The following GNG7 variants were observed in gnomAD, a reference collection of about 807,000 sequenced individuals.
GNG7 encodes the protein guanine nucleotide-binding protein G(I)/G(S)/G(O) subunit gamma-7.
In GNG7, 1 loss-of-function variant was observed where a neutral mutation model predicts 4.0. The ratio of observed to expected loss-of-function variants is 0.25; its 90% CI spans 0.09 to 1.18. GNG7 has a LOEUF of 1.18. Ranked by LOEUF, GNG7 falls within the 50% of genes most tolerant of loss-of-function variation. GNG7 has a pLI of 0.50. For synonymous variants in GNG7, 34 were observed against 36.9 expected (o/e 0.92, Z 0.29); for missense variants, 86 against 91.9 (o/e 0.94, Z 0.26).
chr19:2,630,320 G>T (rs1982126140), intron 2 of GNG7, among the ~76,000 whole-genome samples: 1 of 152,122 alleles, frequency 6.6e-6, no homozygotes, highest in African/African-American at 2.4e-5. Context: ...AGGGCCCGTG[G>T]ACATGATGAG....
At chr19:2,560,908 G>A (rs1173192446) in intron 2 of GNG7, among the ~76,000 whole-genome samples, 1 of 148,260 alleles carries the variant, frequency 6.7e-6, no homozygotes, top group Non-Finnish European at 1.5e-5. Flanking sequence ...AGTGAGCCGA[G>A]ATCGTACCAT....
At chr19:2,615,629 A>ATTTTTTTTTTTTTTTTTTTTTTTT (rs1195029403) in intron 2 of GNG7, among the ~76,000 whole-genome samples, 2 of 149,416 alleles carry the variant, frequency 1.3e-5, no homozygotes, top group Non-Finnish European at 3.0e-5. Flanking sequence ...CGCCTGGCTA[A>ATTTTTTTTTTTTTTTTTTTTTTTT]TTTTTTTGTA....
intron 2 of GNG7, among the ~76,000 whole-genome samples, chr19:2,567,141 A>AC (rs1453929468): frequency 1.9e-4 from 25 of 128,720 alleles, no homozygotes; most frequent in African/African-American, 1.1e-3. Context: ...ACAAAAAAAA[A>AC]ACAAAAAAAA....
chr19:2,693,424 AAAAAAAGAAAGAAAG>A (rs1913177924), intron 1 of GNG7, among the ~76,000 whole-genome samples: 2 of 151,816 alleles, frequency 1.3e-5, no homozygotes, highest in African/African-American at 2.4e-5. Context: ...TCAAAAAAAA[AAAAAAAGAAAGAAAG>A]AAAAAAAGAA....
chr19:2,562,344 CG>C (rs1432529972), intron 2 of GNG7, among the ~76,000 whole-genome samples: 3 of 151,308 alleles, frequency 2.0e-5, no homozygotes, highest in African/African-American at 7.3e-5. Context: ...AGTGCAGTGG[CG>C]CGATCTCGGC....
chr19:2,568,027 G>C (rs1979974063), intron 2 of GNG7, among the ~76,000 whole-genome samples: 1 of 152,046 alleles, frequency 6.6e-6, no homozygotes, highest in Admixed American at 6.6e-5. Context: ...GGGCATGCAA[G>C]CACACATGCA....
chr19:2,515,297 A>C, intron 4 of GNG7, 150 bp from the exon 5 acceptor site: 1 of 863,328 alleles, frequency 1.2e-6, no homozygotes, highest in Non-Finnish European at 1.7e-6. Context: ...GCCCGTCCAC[A>C]CGCTGGAATA....
chr19:2,671,944 G>A (rs1599454327), intron 1 of GNG7, among the ~76,000 whole-genome samples: 2 of 150,898 alleles, frequency 1.3e-5, no homozygotes, highest in African/African-American at 4.9e-5. Flanking sequence ...CCAGCTACTC[G>A]GGAGGCTGAG....
intron 1 of GNG7, among the ~76,000 whole-genome samples, chr19:2,699,981 C>T (rs965788653): frequency 6.6e-6 from 1 of 152,112 alleles, no homozygotes; most frequent in Non-Finnish European, 1.5e-5. Flanking sequence ...TTGAGACTCT[C>T]CTGCCACCAG....
At chr19:2,565,655 T>C (rs1018099439) in intron 2 of GNG7, among the ~76,000 whole-genome samples, 1 of 152,106 alleles carries the variant, frequency 6.6e-6, no homozygotes, top group African/African-American at 2.4e-5. Flanking sequence ...CTGCAATCAC[T>C]GGGAGAGGCC....
At position 2,512,819 on chromosome 19, in the gene GNG7, C is replaced by T. The variant is rs538969090; in HGVS notation, c.*2203G>A. On this transcript the variant is annotated 3_prime_UTR_variant, in exon 5 of 5. Transcript: ENST00000382159. The surrounding 1 kb of genome is among the most constrained non-coding windows in gnomAD (Gnocchi z 4.7). ...GCTTGTTGGAAAGGGTGGAGGCAGG[C>T]GGGCTCTCCCTGCCTGGGGTCCTCC... 240 of 784,184 alleles carry T rather than the reference C, an allele frequency of 3.1e-4. No individual in the cohort carries two copies. Among genetic ancestry groups the T allele is most frequent in the Middle Eastern group, 6.5e-4 (1 of 1,544 alleles). 48.6% of individuals were successfully genotyped at this position (784,184 alleles called of 1,614,324 possible). A position where few individuals can be genotyped will look rare whatever the true frequency, so the allele number is the denominator to read the frequency against.
In GNG7 at chr19:2,614,464, C is replaced by T. The variant is rs1173841461; in HGVS notation, c.-78+31760G>A. ...GTCACTTCCCATCCCCCTCCCCAGC[C>T]CCTGGCACCCACACATCCCCTTCCT... On this transcript the variant is annotated intron_variant, in intron 2 of 4. Transcript: ENST00000382159. The surrounding 1 kb of genome is among the most constrained non-coding windows in gnomAD (Gnocchi z 6.0). Among the ~76,000 whole-genome samples, 1 of 152,238 alleles carries T rather than the reference C, an allele frequency of 6.6e-6. No individual in the cohort carries two copies. Among genetic ancestry groups the T allele is most frequent in the Non-Finnish European group, 1.5e-5 (1 of 68,050 alleles).
chr19:2,615,400 G>A (rs1394904668), intron 2 of GNG7, among the ~76,000 whole-genome samples: 1 of 150,822 alleles, frequency 6.6e-6, no homozygotes, highest in Non-Finnish European at 1.5e-5. Flanking sequence ...ACACCACGTG[G>A]CACAGACTCT....
Position 2,544,606 on chromosome 19 carries a change from G to T in GNG7, c.-38+10543C>A, listed in dbSNP as rs533356474. The stretch of plus-strand genomic sequence containing the variant: ...GGGTTTCACCATGTTGGCCAGGTTG[G>T]TCTCAAACTCCTGACCTCAGGTGAT... On this transcript the variant is annotated intron_variant, in intron 3 of 4. Coordinates refer to ENST00000382159, the MANE Select transcript of GNG7 (RefSeq NM_052847.3). Among the ~76,000 whole-genome samples the T allele has an allele frequency of 3.3e-5, 5 of 152,324 alleles. No homozygotes were observed. In the South Asian group the frequency reaches 1.0e-3, roughly 32 times the overall value.
chr19:2,649,904 ACT>A (rs899627574), intron 1 of GNG7, among the ~76,000 whole-genome samples: 8 of 150,438 alleles, frequency 5.3e-5, no homozygotes, highest in Non-Finnish European at 1.2e-4. Context: ...ACCCTCCCTG[ACT>A]CTGCGGATGG....
chr19:2,554,673 G>C (rs1979493558), intron 3 of GNG7, among the ~76,000 whole-genome samples: 2 of 151,572 alleles, frequency 1.3e-5, no homozygotes, highest in African/African-American at 4.8e-5. Context: ...TCCTGCCTCA[G>C]CTTCCAGAGT....
chr19:2,548,502 A>C (rs1331635772), intron 3 of GNG7, among the ~76,000 whole-genome samples: 2 of 142,368 alleles, frequency 1.4e-5, no homozygotes, highest in Non-Finnish European at 3.1e-5. Flanking sequence ...AAAAAAAAAA[A>C]ACCTAGCCAG....
chr19:2,644,647 G>C (rs767437508), intron 2 of GNG7, among the ~76,000 whole-genome samples: 1 of 151,806 alleles, frequency 6.6e-6, no homozygotes, highest in Non-Finnish European at 1.5e-5. Context: ...TCCCAGTCTC[G>C]GCACCCACGC....
intron 3 of GNG7, among the ~76,000 whole-genome samples, chr19:2,539,569 C>A (rs570032218): frequency 6.6e-6 from 1 of 151,826 alleles, no homozygotes; most frequent in African/African-American, 2.4e-5. Context: ...CCTCCCAAAG[C>A]GCTGGGATTA....
Sources: allele counts gnomAD v4.1 joint callset (sites outside exome capture counted in the v4.1 genomes callset), GRCh38; gene constraint gnomAD v4.1.1; non-coding constraint Gnocchi (gnomAD v3.1); transcripts MANE v1.5; gene names NCBI Gene and HGNC (gene_info 2026-07-23, HGNC 2026-07-21).